CEP162: variants seen among roughly 807,000 people sequenced by gnomAD.
CEP162 encodes the protein centrosomal protein 162, also known as centrosomal protein of 162 kDa.
In CEP162, 141 loss-of-function variants were observed where a neutral mutation model predicts 169.2. The ratio of observed to expected loss-of-function variants is 0.83; its 90% CI spans 0.73 to 0.96. The LOEUF (loss-of-function observed/expected upper bound fraction) is 0.96. Ranked by LOEUF, CEP162 falls within the 40% of genes least tolerant of loss-of-function variation. CEP162 has a pLI of 0.00. For missense variants in CEP162, 1,600 were observed against 1,587.2 expected, an observed-to-expected ratio of 1.01 and a Z score of -0.14; for synonymous variants, 540 against 526.4, an observed-to-expected ratio of 1.03 and a Z score of -0.35.
chr6:84,161,388 C>A (rs1386150319), intron 20 of CEP162, among the ~76,000 whole-genome samples: 2 of 151,996 alleles, frequency 1.3e-5, no homozygotes, highest in Non-Finnish European at 2.9e-5. Context: ...CAAAAAAGAA[C>A]TAAAGCTAGA....
chr6:84,214,996 GAATT>G (rs1297129033), intron 5 of CEP162, among the ~76,000 whole-genome samples: 1 of 152,056 alleles, frequency 6.6e-6, no homozygotes, highest in Non-Finnish European at 1.5e-5. Context: ...TGTGGAAAAT[GAATT>G]AATAAATGAC....
intron 8 of CEP162, among the ~76,000 whole-genome samples, chr6:84,201,402 CTA>C (rs1055717802): frequency 3.9e-5 from 6 of 152,052 alleles, no homozygotes; most frequent in Non-Finnish European, 7.4e-5. Flanking sequence ...CATGTTTTAT[CTA>C]TGTGTGTGTG....
intron 6 of CEP162, among the ~76,000 whole-genome samples, chr6:84,211,904 A>G (rs1180852755): frequency 1.3e-5 from 2 of 151,988 alleles, no homozygotes; most frequent in African/African-American, 4.8e-5. Context: ...CCAAAAAAAA[A>G]AAAGGATAAA....
intron 25 of CEP162, among the ~76,000 whole-genome samples, chr6:84,145,616 G>A (rs1439880639): frequency 2.0e-5 from 3 of 151,952 alleles, no homozygotes; most frequent in Non-Finnish European, 2.9e-5. Flanking sequence ...CTAGATCTCT[G>A]TCTATAATTC....
intron 6 of CEP162, among the ~76,000 whole-genome samples, chr6:84,204,325 C>G (rs981427297): frequency 1.3e-5 from 2 of 152,032 alleles, no homozygotes; most frequent in Non-Finnish European, 2.9e-5. Context: ...CACATAGTTG[C>G]AAGTAAAGCA....
At chr6:84,223,409 G>C (rs1339966878) in intron 2 of CEP162, among the ~76,000 whole-genome samples, 1 of 151,846 alleles carries the variant, frequency 6.6e-6, no homozygotes. Context: ...TGACGCAGGA[G>C]AATCACTTGA....
chr6:84,209,102 T>C (rs1011042254), intron 6 of CEP162, among the ~76,000 whole-genome samples: 2 of 152,332 alleles, frequency 1.3e-5, no homozygotes, highest in Admixed American at 6.5e-5. Flanking sequence ...CAGTATGGCA[T>C]AGTGCTTAAG....
At chr6:84,178,839 T>C (rs2099533498) in intron 13 of CEP162, among the ~76,000 whole-genome samples, 1 of 152,262 alleles carries the variant, frequency 6.6e-6, no homozygotes, top group East Asian at 1.9e-4. Context: ...GGCCCTGGTA[T>C]GTGCTGTTCC....
intron 25 of CEP162, among the ~76,000 whole-genome samples, chr6:84,129,078 A>C (rs992762967): frequency 6.6e-6 from 1 of 152,142 alleles, no homozygotes; most frequent in East Asian, 1.9e-4. Context: ...CATTGTCTTT[A>C]TCCAATCTAT....
At chr6:84,159,797 G>A (rs2099525003) in intron 21 of CEP162, among the ~76,000 whole-genome samples, 1 of 151,020 alleles carries the variant, frequency 6.6e-6, no homozygotes, top group African/African-American at 2.4e-5. Context: ...GGCCACCCTG[G>A]TCTTGAACTC....
intron 2 of CEP162, among the ~76,000 whole-genome samples, chr6:84,223,020 T>C (rs1021192270): frequency 1.3e-5 from 2 of 152,152 alleles, no homozygotes; most frequent in Non-Finnish European, 2.9e-5. Context: ...CATTTCTCTT[T>C]CCTCCCATTT....
chr6:84,209,433 G>A (rs1360582820), intron 6 of CEP162, among the ~76,000 whole-genome samples: 1 of 151,058 alleles, frequency 6.6e-6, no homozygotes, highest in Non-Finnish European at 1.5e-5. Context: ...GGAGTGCGAT[G>A]GCACGATCTC....
chr6:84,219,482 GATTC>G, intron 3 of CEP162, among the ~76,000 whole-genome samples: 1 of 152,256 alleles, frequency 6.6e-6, no homozygotes, highest in Middle Eastern at 3.4e-3. Context: ...TATCTGCTCT[GATTC>G]ATTATCTTCT....
At chr6:84,164,878 A>G (rs1201153626) in intron 18 of CEP162, among the ~76,000 whole-genome samples, 1 of 151,992 alleles carries the variant, frequency 6.6e-6, no homozygotes, top group Non-Finnish European at 1.5e-5. Flanking sequence ...AAACAAAACA[A>G]ACAAAAAAAA....
Position 84,165,011 on chromosome 6 carries a change from T to C in CEP162, c.2386-1741A>G, listed in dbSNP as rs888987870. Among the ~76,000 whole-genome samples, 3 of 151,976 alleles carry C rather than the reference T, an allele frequency of 2.0e-5. No individual in the cohort carries two copies. In the South Asian group the frequency reaches 6.2e-4, roughly 32 times the overall value. ...TTCTATAAATCCCCACCTATTCCAT[T>C]CTAGCCAGAGACCTCCTTGCTGTGT... On this transcript the variant is annotated intron_variant, in intron 18 of 26. Coordinates refer to ENST00000403245, the MANE Select transcript of CEP162 (RefSeq NM_014895.4).
At chr6:84,176,390 G>C (rs1320616605) in intron 13 of CEP162, among the ~76,000 whole-genome samples, 3 of 152,092 alleles carry the variant, frequency 2.0e-5, no homozygotes, top group Non-Finnish European at 4.4e-5. Flanking sequence ...AAGTTTTCTG[G>C]AGAAATTTCT....
intron 18 of CEP162, among the ~76,000 whole-genome samples, chr6:84,164,705 G>C (rs1012001174): frequency 1.3e-5 from 2 of 152,028 alleles, no homozygotes; most frequent in South Asian, 4.2e-4. Context: ...GGGGGGTGAG[G>C]GGCAAGGGGA....
chr6:84,151,431 G>A (rs540662535), intron 23 of CEP162, among the ~76,000 whole-genome samples: 56 of 152,046 alleles, frequency 3.7e-4, no homozygotes, highest in African/African-American at 1.2e-3. Flanking sequence ...GACAGGGAAG[G>A]GGAGCTTGGG....
chr6:84,204,585 A>T (rs1023253753), intron 6 of CEP162, among the ~76,000 whole-genome samples: 3 of 152,262 alleles, frequency 2.0e-5, no homozygotes, highest in African/African-American at 7.2e-5. Context: ...AGCAGTGTGT[A>T]GAGGGAAATT....
Sources: gnomAD v4.1 joint callset for allele counts (sites outside exome capture counted in the v4.1 genomes callset) on GRCh38, gnomAD v4.1.1 for gene constraint, MANE v1.5 for transcripts, NCBI Gene and HGNC (gene_info 2026-07-23, HGNC 2026-07-21) for gene names.